Variants in COG2 observed in about 807,000 individuals in gnomAD.
COG2 encodes the protein component of oligomeric golgi complex 2, also known as conserved oligomeric Golgi complex subunit 2.
Under a neutral mutation model 90.6 loss-of-function variants are expected in COG2, and 52 were observed. That is an observed-to-expected ratio of 0.57 (90% CI 0.46 to 0.72). The LOEUF is 0.72. Among genes scored for constraint, COG2 ranks in the 30% least tolerant of loss-of-function variants. The pLI is 0.00. For synonymous variants in COG2, 337 were observed against 320.4 expected, an observed-to-expected ratio of 1.05 and a Z score of -0.55; for missense variants, 829 against 891.2, an observed-to-expected ratio of 0.93 and a Z score of 0.89.
At chr1:230,685,005 C>A in intron 11 of COG2, 80 bp from the exon 12 acceptor site, 1 of 1,476,690 alleles carries the variant, frequency 6.8e-7, no homozygotes, top group Non-Finnish European at 9.2e-7. Context: ...TTGAATCGTA[C>A]ATCGGAAGTC....
At chr1:230,680,582 G>A (rs1018369459) in intron 10 of COG2, 1 of 152,156 alleles carries the variant, frequency 6.6e-6, no homozygotes, top group African/African-American at 2.4e-5. Context: ...TTGAAACTCA[G>A]CCAGTTCCCT....
chr1:230,648,204 T>C (rs1328007308), intron 1 of COG2, among the ~76,000 whole-genome samples: 1 of 152,226 alleles, frequency 6.6e-6, no homozygotes, highest in Non-Finnish European at 1.5e-5. Context: ...CATCACTTAA[T>C]TTAAAACAAA....
intron 8 of COG2, 91 bp downstream of exon 8, chr1:230,671,731 T>TA: frequency 3.3e-6 from 4 of 1,205,650 alleles, no homozygotes; most frequent in Non-Finnish European, 4.8e-6. Flanking sequence ...GACTGTCTTG[T>TA]ATGAACTGTC....
rs994013621 is a variant in COG2, at chr1:230,680,554, A to G, written c.1166+1502A>G. ...ATTTCAGTTTCTCTCAAAGCTGGTAATTGGACCTTAAACTACATTGAAACT... is the reference window on the plus strand; with the variant it reads ...ATTTCAGTTTCTCTCAAAGCTGGTAGTTGGACCTTAAACTACATTGAAACT... On this transcript the variant is annotated intron_variant, in intron 10 of 17. Transcript: ENST00000366669. 5.9e-5 allele frequency: 9 copies of G among 152,320 alleles called. No individual in the cohort carries two copies. The South Asian group carries it at 1.9e-3, about 32-fold the overall frequency. The allele number at this position is 152,320 out of a possible 1,614,324, so 9.4% of individuals were successfully genotyped here.
rs2479136 is a variant in COG2 at position 230,688,881 on chromosome 1, G to A, written c.1794+319G>A. ...TTAATAACATTTTAAAGTCCTATAC[G>A]TTTTTGTCTCCATATCAGGTATTCC... On this transcript the variant is annotated intron_variant, in intron 15 of 17. Transcript: ENST00000366669. 0.68 allele frequency among the ~76,000 whole-genome samples: 103,069 copies of A among 152,028 alleles called. 35,580 individuals carry two copies. Among genetic ancestry groups the A allele is most frequent in the Non-Finnish European group, 0.75 (51,038 of 67,958 alleles).
chr1:230,647,306 C>G (rs1044080962), intron 1 of COG2, among the ~76,000 whole-genome samples: 2 of 152,134 alleles, frequency 1.3e-5, no homozygotes, highest in Admixed American at 1.3e-4. Flanking sequence ...TGGAATATAT[C>G]TCCCTCAGAT....
chr1:230,668,860 T>C, intron 6 of COG2, 76 bp downstream of exon 6: 1 of 917,922 alleles, frequency 1.1e-6, no homozygotes, highest in Middle Eastern at 2.2e-4. Flanking sequence ...CTAGTAATAT[T>C]GTTGATCTAC....
chr1:230,684,072 A>G (rs1662826167), intron 11 of COG2, among the ~76,000 whole-genome samples: 1 of 152,156 alleles, frequency 6.6e-6, no homozygotes. Flanking sequence ...GATTACAGGC[A>G]TGAGCCACCA....
chr1:230,649,720 ATTTAT>A (rs901449218), intron 1 of COG2, among the ~76,000 whole-genome samples: 3 of 151,494 alleles, frequency 2.0e-5, no homozygotes, highest in African/African-American at 7.3e-5. Flanking sequence ...TTTGTTACTT[ATTTAT>A]TTTATTTTAT....
intron 5 of COG2, among the ~76,000 whole-genome samples, chr1:230,664,896 T>A (rs1662281206): frequency 6.6e-6 from 1 of 152,188 alleles, no homozygotes; most frequent in Non-Finnish European, 1.5e-5. Context: ...CCTACTGACC[T>A]TCAAGGTGTG....
At chr1:230,643,127 C>T (rs1661670345) in intron 1 of COG2, 1 of 157,366 alleles carries the variant, frequency 6.4e-6, no homozygotes, top group Admixed American at 6.5e-5. Context: ...TTTTGCTTAA[C>T]ATTCAGCTAA....
At chr1:230,689,685 C>T (rs1328798831) in intron 15 of COG2, among the ~76,000 whole-genome samples, 5 of 152,218 alleles carry the variant, frequency 3.3e-5, no homozygotes, top group Non-Finnish European at 7.3e-5. Context: ...CTGAGTTTTA[C>T]GAGATCACCA....
chr1:230,687,153 A>G (rs1662904263), intron 13 of COG2, 21 bp downstream of exon 13: 1 of 1,593,622 alleles, frequency 6.3e-7, no homozygotes, highest in South Asian at 1.1e-5. Context: ...GTCCCAGAAT[A>G]ATTCCAGGTG....
intron 1 of COG2, among the ~76,000 whole-genome samples, chr1:230,644,447 G>C (rs1203410964): frequency 4.6e-5 from 7 of 152,208 alleles, no homozygotes; most frequent in African/African-American, 1.7e-4. Context: ...TTCTATGTTT[G>C]TGTCTCATTC....
chr1:230,670,219 G>A (rs1217987026), intron 7 of COG2: 1 of 152,226 alleles, frequency 6.6e-6, no homozygotes, highest in African/African-American at 2.4e-5. Flanking sequence ...AGTATAGATT[G>A]TGCCATATAA....
At position 230,659,642 on chromosome 1, in the gene COG2, C is replaced by T. The variant is rs756381535; in HGVS notation, c.234+17C>T. On this transcript the variant is annotated intron_variant, in intron 2 of 17. Transcript: ENST00000366669. The stretch of plus-strand genomic sequence containing the variant: ...ACAAACTTGGTAAACTTTAAATCCA[C>T]GGTCCCATTTACATACATACAATTT... 6.8e-6 allele frequency: 11 copies of T among 1,610,424 alleles called. No individual in the cohort carries two copies. The highest frequency in any genetic ancestry group is 2.2e-5 in the East Asian group (1 of 44,832).
chr1:230,645,289 C>T (rs1661742354), intron 1 of COG2, among the ~76,000 whole-genome samples: 1 of 147,362 alleles, frequency 6.8e-6, no homozygotes, highest in South Asian at 2.2e-4. Flanking sequence ...AGAGGGTTGA[C>T]AATCAGTAGA....
chr1:230,642,534 C>T lies in COG2; in HGVS notation c.-73C>T, dbSNP rs544996517. 3.6e-5 allele frequency: 54 copies of T among 1,480,418 alleles called. No individual in the cohort carries two copies. Among genetic ancestry groups the T allele is most frequent in the Non-Finnish European group, 4.5e-5 (49 of 1,082,836 alleles). 91.7% of individuals were successfully genotyped at this position (1,480,418 alleles called of 1,614,324 possible). A position where few individuals can be genotyped will look rare whatever the true frequency, so the allele number is the denominator to read the frequency against. ...CGTGGAAACTGGCGGTGGCCGCGGC[C>T]GCCGAGTCGGTCTGCGCAGCCTCCT... On this transcript the variant is annotated 5_prime_UTR_variant, in exon 1 of 18. Coordinates refer to ENST00000366669, the MANE Select transcript of COG2 (RefSeq NM_007357.3).
In COG2 at chr1:230,663,126, T is replaced by C. The variant is rs552532781; in HGVS notation, c.301-15T>C. 18 of 1,587,096 alleles carry C rather than the reference T, an allele frequency of 1.1e-5. No homozygotes were observed. In the South Asian group the frequency reaches 1.5e-4, roughly 13 times the overall value. On this transcript the variant is annotated splice_polypyrimidine_tract_variant and intron_variant, in intron 3 of 17. Transcript: ENST00000366669. ...AAACAATCTCTGCAGTACTTTTTTT[T>C]TTTGTCTTTTAAAGAGCCTTAGATC...
Sources: gnomAD v4.1 joint callset for allele counts (sites outside exome capture counted in the v4.1 genomes callset) on GRCh38, gnomAD v4.1.1 for gene constraint, MANE v1.5 for transcripts, NCBI Gene and HGNC (gene_info 2026-07-23, HGNC 2026-07-21) for gene names.